The following RELN variants were observed in gnomAD, a reference collection of about 807,000 sequenced individuals.
RELN encodes reelin.
Under a neutral mutation model 427.6 loss-of-function variants are expected in RELN, and 108 were observed. The observed-to-expected ratio is 0.25, with a 90% CI of 0.22 to 0.30. RELN has a LOEUF of 0.30. RELN is among the 10% of genes least tolerant of loss of function. The pLI is 1.00. For synonymous variants in RELN, 1,524 were observed against 1,513.4 expected, an observed-to-expected ratio of 1.01 and a Z score of -0.16; for missense variants, 3,715 against 4,302.8, an observed-to-expected ratio of 0.86 and a Z score of 3.82.
intron 22 of RELN, among the ~76,000 whole-genome samples, chr7:103,609,139 C>T (rs1055939589): frequency 4.7e-5 from 7 of 150,250 alleles, no homozygotes; most frequent in African/African-American, 1.7e-4. Context: ...AGGTGAATCA[C>T]TTGAACCCGG....
intron 5 of RELN, 51 bp from the exon 6 acceptor site, chr7:103,749,555 T>G: frequency 1.5e-6 from 2 of 1,312,142 alleles, no homozygotes; most frequent in East Asian, 2.3e-5. Context: ...AACAGTACAT[T>G]TAGCTAAACA....
chr7:103,475,573 A>AGAT (rs1249684737), intron 64 of RELN, among the ~76,000 whole-genome samples: 1 of 152,264 alleles, frequency 6.6e-6, no homozygotes, highest in African/African-American at 2.4e-5. Context: ...ACATAAAAAA[A>AGAT]GATGAAGTTA....
intron 6 of RELN, among the ~76,000 whole-genome samples, chr7:103,745,356 A>T (rs1313187527): frequency 6.6e-6 from 1 of 152,046 alleles, no homozygotes; most frequent in African/African-American, 2.4e-5. Context: ...AAACGGGCAC[A>T]AGACAGGGAA....
intron 49 of RELN, among the ~76,000 whole-genome samples, chr7:103,517,296 C>T (rs1829590814): frequency 6.6e-6 from 1 of 151,830 alleles, no homozygotes; most frequent in Non-Finnish European, 1.5e-5. Context: ...AATCGCACTT[C>T]TTCACACAGA....
intron 16 of RELN, among the ~76,000 whole-genome samples, chr7:103,644,633 T>C (rs1190666446): frequency 2.0e-5 from 3 of 151,610 alleles, no homozygotes; most frequent in Admixed American, 2.0e-4. Flanking sequence ...TAAGAGATTA[T>C]GTAAAATGTC....
chr7:103,552,565 C>A (rs1830437420), intron 40 of RELN, among the ~76,000 whole-genome samples: 1 of 145,316 alleles, frequency 6.9e-6, no homozygotes, highest in Non-Finnish European at 1.5e-5. Context: ...TGTAGTGGCA[C>A]AATCTCGGCT....
chr7:103,604,722 A>T (rs1463370654), intron 22 of RELN, among the ~76,000 whole-genome samples: 2 of 152,196 alleles, frequency 1.3e-5, no homozygotes, highest in Non-Finnish European at 2.9e-5. Flanking sequence ...AGATGTTTTA[A>T]AGAAAAACAC....
chr7:103,703,796 G>A (rs1479856851), intron 8 of RELN, among the ~76,000 whole-genome samples: 2 of 152,106 alleles, frequency 1.3e-5, no homozygotes, highest in Non-Finnish European at 2.9e-5. Flanking sequence ...AAAGGTAATG[G>A]AGAACTTTGG....
chr7:103,489,914 G>T lies in RELN; in HGVS notation c.9606-15C>A, dbSNP rs369225933. ...ACTGTGTTGCACTGAAAGAACCACA[G>T]AGAGCAGAAGGGATTCAGTAGGTTG... On this transcript the variant is annotated splice_polypyrimidine_tract_variant and intron_variant, in intron 59 of 64. Coordinates refer to ENST00000428762, the MANE Select transcript of RELN (RefSeq NM_005045.4). 84 of 1,613,998 alleles carry T rather than the reference G, an allele frequency of 5.2e-5. No individual in the cohort carries two copies. The African/African-American group carries it at 1.1e-3, about 21-fold the overall frequency.
chr7:103,575,627 T>C lies in RELN; in HGVS notation c.4224A>G (p.Ile1408Met). 6.2e-7 allele frequency: 1 copy of C among 1,614,134 alleles called. No homozygotes were observed. The highest frequency in any genetic ancestry group is 1.1e-5 in the South Asian group (1 of 91,082). The change falls in exon 29 of 65, where the codon ATA (isoleucine) becomes ATG (methionine). Residue 1408 changes from isoleucine (I) to methionine (M), a missense_variant. By Grantham distance (10) the Ile-to-Met change is conservative. Around this residue, in one of 4 missense-constraint regions of RELN, gnomAD observed 2,208 missense variants for 2,361.7 expected, o/e 0.93. Coordinates refer to ENST00000428762, the MANE Select transcript of RELN (RefSeq NM_005045.4). ...TGCAGTAACTGGGACAAGGCTCGGATATGTACACTCCATCTAAACCAAATG... is the reference window on the plus strand; with the variant it reads ...TGCAGTAACTGGGACAAGGCTCGGACATGTACACTCCATCTAAACCAAATG... Reference protein sequence around the residue: ...VPPFGLDGVYISEPCPSYCSG... With the variant: ...VPPFGLDGVYMSEPCPSYCSG...
chr7:103,538,811 T>A (rs1354653887), intron 45 of RELN, among the ~76,000 whole-genome samples: 1 of 152,244 alleles, frequency 6.6e-6, no homozygotes, highest in African/African-American at 2.4e-5. Context: ...AAATTATTAC[T>A]GTTTAGGTTA....
chr7:103,560,073 T>C (rs976546511), intron 36 of RELN, among the ~76,000 whole-genome samples: 1 of 152,212 alleles, frequency 6.6e-6, no homozygotes. Context: ...TGTTTATAGG[T>C]TAGCATTTTA....
At chr7:103,772,182 C>A (rs1482709803) in intron 4 of RELN, among the ~76,000 whole-genome samples, 1 of 152,154 alleles carries the variant, frequency 6.6e-6, no homozygotes. Flanking sequence ...ATACTGTGCA[C>A]CACATATTGT....
chr7:103,840,843 T>C (rs1358244632), intron 2 of RELN, among the ~76,000 whole-genome samples: 2 of 152,198 alleles, frequency 1.3e-5, no homozygotes, highest in Non-Finnish European at 2.9e-5. Context: ...ATAGGATCCA[T>C]ATTGAATTTT....
chr7:103,682,573 A>G (rs1188646340), intron 10 of RELN, among the ~76,000 whole-genome samples: 4 of 152,212 alleles, frequency 2.6e-5, no homozygotes, highest in Non-Finnish European at 5.9e-5. Context: ...TTGTTGTGGG[A>G]ATTAAATTTG....
chr7:103,796,743 C>T (rs997890780), intron 3 of RELN, among the ~76,000 whole-genome samples: 2 of 151,830 alleles, frequency 1.3e-5, no homozygotes, highest in Admixed American at 1.3e-4. Flanking sequence ...TGCCTGTAAT[C>T]CTAGCTACTC....
intron 11 of RELN, among the ~76,000 whole-genome samples, chr7:103,667,033 G>A (rs548885905): frequency 6.6e-5 from 10 of 152,220 alleles, no homozygotes; most frequent in Admixed American, 2.0e-4. Context: ...TATTACTCAG[G>A]TTTTTAATTT....
In RELN at chr7:103,611,770, C is replaced by T. The variant is rs1831965206; in HGVS notation, c.2736G>A (p.Met912Ile). The T allele has an allele frequency of 6.2e-7, 1 of 1,613,788 alleles. No individual in the cohort carries two copies. Among genetic ancestry groups the T allele is most frequent in the African/African-American group, 1.3e-5 (1 of 74,896 alleles). ...FTGDSKLASS[M>I]RYVETQSMQI... ...GCATTGATTGTGTTTCCACATAGCG[C>T]ATACTTGAGGCAAGTTTAGAATCTC... Residue 912 changes from methionine (M) to isoleucine (I), a missense_variant, in exon 21 of 65, where the codon ATG becomes ATA. Met to Ile is a conservative substitution (Grantham distance 10). Coordinates refer to ENST00000428762, the MANE Select transcript of RELN (RefSeq NM_005045.4).
chr7:103,964,666 AAAAT>A (rs1329632199), intron 1 of RELN, among the ~76,000 whole-genome samples: 2 of 152,250 alleles, frequency 1.3e-5, no homozygotes, highest in Non-Finnish European at 1.5e-5. Context: ...TTTAAAGTAA[AAAAT>A]AAAGTTACTG....
Sources: allele counts gnomAD v4.1 joint callset (sites outside exome capture counted in the v4.1 genomes callset), GRCh38; gene constraint gnomAD v4.1.1; regional missense constraint gnomAD v4.1.1; transcripts MANE v1.5; gene names NCBI Gene and HGNC (gene_info 2026-07-23, HGNC 2026-07-21).